Variants in CPNE5 observed in about 807,000 individuals in gnomAD.
The protein encoded by CPNE5 is copine 5, also known as copine-5.
A neutral mutation model predicts 81.1 loss-of-function variants in CPNE5; 42 were observed. That is an observed-to-expected ratio of 0.52 (90% CI 0.40 to 0.67). The LOEUF (loss-of-function observed/expected upper bound fraction) is 0.67. CPNE5 is among the 30% of genes least tolerant of loss of function. CPNE5 has a pLI of 0.00. For missense variants in CPNE5, 612 were observed against 815.5 expected, an observed-to-expected ratio of 0.75 and a Z score of 3.04; for synonymous variants, 313 against 321.5, an observed-to-expected ratio of 0.97 and a Z score of 0.28.
intron 9 of CPNE5, among the ~76,000 whole-genome samples, chr6:36,777,353 C>T (rs527884273): frequency 5.9e-5 from 9 of 151,798 alleles, no homozygotes; most frequent in Non-Finnish European, 1.2e-4. Context: ...TCCCTTTCCC[C>T]GCACCCTCCC....
At chr6:36,756,001 G>A (rs184039967) in intron 13 of CPNE5, 216 of 528,286 alleles carry the variant, frequency 4.1e-4, no homozygotes, top group Non-Finnish European at 6.8e-4. Context: ...AGGAAGTCCC[G>A]TGGATGTCTC....
intron 14 of CPNE5, among the ~76,000 whole-genome samples, chr6:36,748,875 C>G (rs927446422): frequency 2.0e-5 from 3 of 152,172 alleles, no homozygotes; most frequent in African/African-American, 7.2e-5. Flanking sequence ...AGAAGCACTA[C>G]CAGAGACAGC....
At chr6:36,758,551 A>T (rs73414243) in intron 12 of CPNE5, among the ~76,000 whole-genome samples, 5,376 of 152,056 alleles carry the variant, frequency 0.035, 285 homozygotes, top group African/African-American at 0.12. Context: ...ACCCAGCCTT[A>T]GTTGCTATTT....
intron 1 of CPNE5, among the ~76,000 whole-genome samples, chr6:36,830,701 G>A (rs964226826): frequency 1.7e-4 from 26 of 152,184 alleles, no homozygotes; most frequent in Non-Finnish European, 2.6e-4. Context: ...CCCACATGGC[G>A]ACATGTGGCC....
rs374631816 is a variant in CPNE5, at chr6:36,746,594, G to A, written c.1019-17C>T. The A allele has an allele frequency of 5.6e-6, 9 of 1,603,808 alleles. No individual in the cohort carries two copies. Among genetic ancestry groups the A allele is most frequent in the Non-Finnish European group, 7.7e-6 (9 of 1,176,168 alleles). Reference sequence around the variant, plus strand: ...AGGGGTTCCCTGTAACACAGGACATGGGAGCCTTTGACCATCTGGACCCTC... The same window carrying A: ...AGGGGTTCCCTGTAACACAGGACATAGGAGCCTTTGACCATCTGGACCCTC... On this transcript the variant is annotated splice_polypyrimidine_tract_variant and intron_variant, in intron 15 of 20. Coordinates refer to ENST00000244751, the MANE Select transcript of CPNE5 (RefSeq NM_020939.2). This position sits in a 1 kb window ranked among gnomAD's most constrained non-coding sequence, Gnocchi z 4.5.
chr6:36,829,446 G>A (rs937736009), intron 1 of CPNE5, among the ~76,000 whole-genome samples: 2 of 152,038 alleles, frequency 1.3e-5, no homozygotes, highest in East Asian at 1.9e-4. Context: ...GCAGTGAGCC[G>A]TGATCACACC....
At chr6:36,805,132 T>C (rs919072419) in intron 3 of CPNE5, among the ~76,000 whole-genome samples, 10 of 152,288 alleles carry the variant, frequency 6.6e-5, no homozygotes, top group Admixed American at 2.0e-4. Flanking sequence ...AAAAAATCAA[T>C]TTGGCTGCTG....
In CPNE5 at chr6:36,744,312, G is replaced by A. The variant is rs1763878747; in HGVS notation, c.1445C>T (p.Pro482Leu). 6.3e-7 allele frequency: 1 copy of A among 1,583,438 alleles called. No individual in the cohort carries two copies. The highest frequency in any genetic ancestry group is 1.9e-5 in the Admixed American group (1 of 53,604). Reference protein sequence around the residue: ...KEAIVNAAKLPMSIIIVGVGQ... With the variant: ...KEAIVNAAKLLMSIIIVGVGQ... ...CACGCCGACGATAATGATGGACATG[G>A]GGAGCTTGGCAGCCTGGGAGACAGC... The change falls in exon 19 of 21, where the codon CCC becomes CTC. Residue 482 changes from proline (P) to leucine (L), a missense_variant. Pro to Leu is a moderately conservative substitution (Grantham distance 98). Transcript: ENST00000244751.
At position 36,741,383 on chromosome 6, in the gene CPNE5, TC is replaced by T. The variant is rs1050623390; in HGVS notation, c.*884del. The T allele has an allele frequency of 5.9e-5, 9 of 152,290 alleles. No homozygotes were observed. In the East Asian group the frequency reaches 1.7e-3, roughly 29 times the overall value. The allele number at this position is 152,290 out of a possible 1,614,324, so 9.4% of individuals were successfully genotyped here. A position where few individuals can be genotyped will look rare whatever the true frequency, so the allele number is the denominator to read the frequency against. ...GGGAGGCAGGGCTCAAACCCAGGAC[TC>T]CTGTCTCCTAGCCTCATGGGATACA... is the stretch of plus-strand genomic sequence containing the variant. On this transcript the variant is annotated 3_prime_UTR_variant, in exon 21 of 21. Coordinates refer to ENST00000244751, the MANE Select transcript of CPNE5 (RefSeq NM_020939.2).
At chr6:36,788,038 T>C (rs529918771) in intron 8 of CPNE5, among the ~76,000 whole-genome samples, 107 of 150,916 alleles carry the variant, frequency 7.1e-4, no homozygotes, top group African/African-American at 2.5e-3. Context: ...CCTTTTCTTT[T>C]TTTTTTTTTT....
chr6:36,797,699 G>C (rs1469626898), intron 6 of CPNE5, among the ~76,000 whole-genome samples: 1 of 152,214 alleles, frequency 6.6e-6, no homozygotes, highest in Admixed American at 6.5e-5. Context: ...GACCATCAGG[G>C]ACAGGATGGG....
intron 8 of CPNE5, among the ~76,000 whole-genome samples, chr6:36,790,628 G>A (rs1341238045): frequency 2.0e-5 from 3 of 152,024 alleles, no homozygotes; most frequent in African/African-American, 2.4e-5. Context: ...ATGGAGTCTC[G>A]CTCTGTCGCC....
intron 11 of CPNE5, among the ~76,000 whole-genome samples, chr6:36,763,590 G>C (rs1199538958): frequency 7.8e-6 from 1 of 128,920 alleles, no homozygotes; most frequent in Admixed American, 8.2e-5. Flanking sequence ...GCAACAGAGC[G>C]AGACTCTATC....
intron 1 of CPNE5, among the ~76,000 whole-genome samples, chr6:36,835,623 T>C (rs1383706806): frequency 6.6e-6 from 1 of 152,080 alleles, no homozygotes; most frequent in Non-Finnish European, 1.5e-5. Flanking sequence ...TGGTGAAACC[T>C]TGTCTCTACT....
chr6:36,786,797 T>C (rs192068576), intron 8 of CPNE5, among the ~76,000 whole-genome samples: 5 of 152,290 alleles, frequency 3.3e-5, no homozygotes, highest in African/African-American at 1.2e-4. Flanking sequence ...AAAAATTACG[T>C]ACATGGACAC....
At chr6:36,778,285 G>A (rs1406358584) in intron 9 of CPNE5, among the ~76,000 whole-genome samples, 1 of 152,138 alleles carries the variant, frequency 6.6e-6, no homozygotes, top group Non-Finnish European at 1.5e-5. Context: ...CTTATTGTGG[G>A]TGGCTTCTAG....
At position 36,746,184 on chromosome 6, in the gene CPNE5, G is replaced by C; in HGVS notation, c.1200+212C>G. On this transcript the variant is annotated intron_variant, in intron 16 of 20. Coordinates refer to ENST00000244751, the MANE Select transcript of CPNE5 (RefSeq NM_020939.2). This position sits in a 1 kb window ranked among gnomAD's most constrained non-coding sequence, Gnocchi z 4.5. ...AACAAGGAAGCCAGGGCCAGCTGTG[G>C]GCAGGCAGCTTCAGACATGGAGGGG... The C allele has an allele frequency of 1.0e-6, 1 of 985,414 alleles. No individual in the cohort carries two copies. Among genetic ancestry groups the C allele is most frequent in the Non-Finnish European group, 1.2e-6 (1 of 829,924 alleles). 61.0% of individuals were successfully genotyped at this position (985,414 alleles called of 1,614,324 possible). A position where few individuals can be genotyped will look rare whatever the true frequency, so the allele number is the denominator to read the frequency against.
At position 36,742,684 on chromosome 6, in the gene CPNE5, C is replaced by T. The variant is rs1763671975; in HGVS notation, c.1564-198G>A. 4 of 984,090 alleles carry T rather than the reference C, an allele frequency of 4.1e-6. No individual in the cohort carries two copies. In the African/African-American group the frequency reaches 7.0e-5, roughly 17 times the overall value. The allele number at this position is 984,090 out of a possible 1,614,324, so 61.0% of individuals were successfully genotyped here. ...GGCAGTCAGTAACTATAGTCATAGTCACTATTCTTTCATTCACTCGACAAA... is the reference window on the plus strand; with the variant it reads ...GGCAGTCAGTAACTATAGTCATAGTTACTATTCTTTCATTCACTCGACAAA... On this transcript the variant is annotated intron_variant, in intron 20 of 20. Transcript: ENST00000244751.
chr6:36,810,149 C>G (rs2150558656), intron 3 of CPNE5, among the ~76,000 whole-genome samples: 1 of 152,084 alleles, frequency 6.6e-6, no homozygotes, highest in Admixed American at 6.5e-5. Context: ...GTGGGTGGCT[C>G]TCTGCAAGCC....
Sources: allele counts gnomAD v4.1 joint callset (sites outside exome capture counted in the v4.1 genomes callset), GRCh38; gene constraint gnomAD v4.1.1; non-coding constraint Gnocchi (gnomAD v3.1); transcripts MANE v1.5; gene names NCBI Gene and HGNC (gene_info 2026-07-23, HGNC 2026-07-21).